The following RGS6 variants were observed in gnomAD, a reference collection of about 807,000 sequenced individuals.
The protein encoded by RGS6 is regulator of G-protein signaling 6.
RGS6 carries 30 observed loss-of-function variants against 78.5 expected under a neutral mutation model. The observed-to-expected ratio is 0.38, with a 90% CI of 0.29 to 0.52. The LOEUF (loss-of-function observed/expected upper bound fraction) is 0.52, where lower values mean the gene tolerates loss of function less well. RGS6 is among the 20% of genes least tolerant of loss of function. The pLI is 0.85. For missense variants in RGS6, 495 were observed against 609.7 expected, an observed-to-expected ratio of 0.81 and a Z score of 1.98; for synonymous variants, 206 against 206.0, an observed-to-expected ratio of 1.00 and a Z score of 0.00.
At chr14:72,444,498 G>A (rs2095307932) in intron 3 of RGS6, among the ~76,000 whole-genome samples, 1 of 152,184 alleles carries the variant, frequency 6.6e-6, no homozygotes, top group South Asian at 2.1e-4. Context: ...TTCAGGAATT[G>A]CTTTATCTTG....
chr14:72,118,341 C>T (rs760539141), intron 2 of RGS6, among the ~76,000 whole-genome samples: 2 of 152,086 alleles, frequency 1.3e-5, no homozygotes, highest in African/African-American at 4.8e-5. Context: ...GGATTATTTC[C>T]CTCCATCTAT....
At chr14:72,271,529 C>G (rs2059935753) in intron 2 of RGS6, among the ~76,000 whole-genome samples, 2 of 152,178 alleles carry the variant, frequency 1.3e-5, no homozygotes, top group Admixed American at 6.5e-5. Flanking sequence ...TAGACATGAC[C>G]AAGTTCAGAC....
At chr14:72,189,258 G>A (rs1258332165) in intron 2 of RGS6, among the ~76,000 whole-genome samples, 1 of 152,124 alleles carries the variant, frequency 6.6e-6, no homozygotes, top group Non-Finnish European at 1.5e-5. Context: ...ACACCAAAGT[G>A]GGCAGTTCGT....
At chr14:72,151,913 G>T (rs944597609) in intron 2 of RGS6, among the ~76,000 whole-genome samples, 2 of 152,112 alleles carry the variant, frequency 1.3e-5, no homozygotes, top group African/African-American at 4.8e-5. Flanking sequence ...CTCATTCTTG[G>T]AGTCAGGTGT....
intron 3 of RGS6, among the ~76,000 whole-genome samples, chr14:72,450,157 A>C (rs1451922998): frequency 6.6e-6 from 1 of 151,986 alleles, no homozygotes; most frequent in African/African-American, 2.4e-5. Flanking sequence ...TTTCCTCTCC[A>C]TATTTATATA....
At chr14:71,945,814 AATT>A (rs2091427867) in intron 1 of RGS6, among the ~76,000 whole-genome samples, 1 of 152,338 alleles carries the variant, frequency 6.6e-6, no homozygotes, top group East Asian at 1.9e-4. Flanking sequence ...TTCATTTAAA[AATT>A]ATTAACCAAT....
At chr14:72,175,509 G>A (rs906704248) in intron 2 of RGS6, among the ~76,000 whole-genome samples, 1 of 152,166 alleles carries the variant, frequency 6.6e-6, no homozygotes, top group African/African-American at 2.4e-5. Flanking sequence ...GCGTGGGGCT[G>A]GGCTGACCCT....
At chr14:72,532,989 A>G (rs932569949) in intron 15 of RGS6, among the ~76,000 whole-genome samples, 5 of 152,254 alleles carry the variant, frequency 3.3e-5, no homozygotes, top group African/African-American at 1.2e-4. Flanking sequence ...GCTACAGTAA[A>G]CAACAGATTT....
chr14:71,996,123 C>T (rs1270127918), intron 2 of RGS6, among the ~76,000 whole-genome samples: 2 of 151,612 alleles, frequency 1.3e-5, no homozygotes, highest in African/African-American at 4.8e-5. Context: ...AACATGAAAT[C>T]CAGGCAGCAA....
chr14:71,872,804 C>G, the RGS6 span, among the ~76,000 whole-genome samples: 49,805 of 152,046 alleles, frequency 0.33, 8,461 homozygotes, highest in South Asian at 0.43. Context: ...TTCCCCATCC[C>G]ACGACAGGCC....
At chr14:72,243,918 A>G (rs1379280990) in intron 2 of RGS6, among the ~76,000 whole-genome samples, 2 of 152,232 alleles carry the variant, frequency 1.3e-5, no homozygotes, top group Non-Finnish European at 2.9e-5. Context: ...TGGACCAGAA[A>G]TGTTACTCTC....
At chr14:71,908,214 A>T in the RGS6 span, 1 of 152,258 alleles carries the variant, frequency 6.6e-6, no homozygotes, top group Non-Finnish European at 1.5e-5. Flanking sequence ...TTCTGCAAAA[A>T]TTTAGGAAAC....
intron 2 of RGS6, among the ~76,000 whole-genome samples, chr14:72,153,562 A>T (rs959929112): frequency 1.3e-5 from 2 of 152,194 alleles, no homozygotes; most frequent in Admixed American, 1.3e-4. Context: ...TATTTTCCAT[A>T]ATATCAGCTG....
intron 2 of RGS6, among the ~76,000 whole-genome samples, chr14:72,119,852 A>G (rs1441250464): frequency 6.6e-6 from 1 of 152,234 alleles, no homozygotes; most frequent in Non-Finnish European, 1.5e-5. Flanking sequence ...TAGGGATTCC[A>G]ATCTGGTTTA....
the RGS6 span, among the ~76,000 whole-genome samples, chr14:71,877,819 C>T: frequency 6.6e-6 from 1 of 152,178 alleles, no homozygotes; most frequent in Non-Finnish European, 1.5e-5. Flanking sequence ...GTGGTTTTAT[C>T]TACCTTTGGC....
rs78324710 is a variant in RGS6, at chr14:72,525,909, A to G, written c.1278+7372A>G. Among the ~76,000 whole-genome samples, 752 of 152,192 alleles carry G rather than the reference A, an allele frequency of 4.9e-3. 6 individuals carry two copies. Among genetic ancestry groups the G allele is most frequent in the African/African-American group, 0.017 (694 of 41,500 alleles). ...TGGGAGATGAACAGCAGAGGGAGGG[A>G]TGCATTTTGCAGAGAATAAATCAGT... On this transcript the variant is annotated intron_variant, in intron 15 of 17. Coordinates refer to ENST00000553525, the MANE Select transcript of RGS6 (RefSeq NM_001204424.2).
At chr14:72,607,214 G>A in the RGS6 span, among the ~76,000 whole-genome samples, 751 of 152,228 alleles carry the variant, frequency 4.9e-3, 15 homozygotes, top group African/African-American at 0.017. Flanking sequence ...AAATGTCTTC[G>A]TCTGTTTGGG....
At chr14:72,313,681 A>T (rs12879282) in intron 2 of RGS6, among the ~76,000 whole-genome samples, 2,136 of 152,344 alleles carry the variant, frequency 0.014, 20 homozygotes, top group Non-Finnish European at 0.02. Flanking sequence ...TCTTTCAAAG[A>T]TAACCCAATA....
Position 72,352,202 on chromosome 14 carries a change from C to CCT in RGS6, c.184+10_184+11dup, listed in dbSNP as rs1228191520. On this transcript the variant is annotated intron_variant, in intron 3 of 17. Transcript: ENST00000553525. ...TCCCCAGTGTCGTCACAGGTAACAC[C>CCT]CTCCTTGCAAGGTGTTGGTAACAGT... is the stretch of plus-strand genomic sequence containing the variant. 1 of 1,606,872 alleles carries CCT rather than the reference C, an allele frequency of 6.2e-7. No individual in the cohort carries two copies. Among genetic ancestry groups the CCT allele is most frequent in the Non-Finnish European group, 8.5e-7 (1 of 1,174,358 alleles).
Sources: gnomAD v4.1 joint callset for allele counts (sites outside exome capture counted in the v4.1 genomes callset) on GRCh38, gnomAD v4.1.1 for gene constraint, MANE v1.5 for transcripts, NCBI Gene and HGNC (gene_info 2026-07-23, HGNC 2026-07-21) for gene names.